The following PACSIN2 variants were observed in gnomAD, a reference collection of about 807,000 sequenced individuals.
The protein encoded by PACSIN2 is protein kinase C and casein kinase substrate in neurons 2, also known as protein kinase C and casein kinase substrate in neurons protein 2.
PACSIN2 carries 25 observed loss-of-function variants against 63.8 expected under a neutral mutation model. That is an observed-to-expected ratio of 0.39 (90% CI 0.29 to 0.55). The LOEUF (loss-of-function observed/expected upper bound fraction) is 0.55. Ranked by LOEUF, PACSIN2 falls within the 20% of genes least tolerant of loss-of-function variation. The pLI, the probability that PACSIN2 is intolerant of heterozygous loss-of-function variation, is 0.62. For missense variants in PACSIN2, 518 were observed against 646.9 expected (o/e 0.80, Z 2.16); for synonymous variants, 255 against 256.2 (o/e 1.00, Z 0.05).
At chr22:42,886,109 G>C (rs1929454751) in intron 5 of PACSIN2, among the ~76,000 whole-genome samples, 1 of 152,142 alleles carries the variant, frequency 6.6e-6, no homozygotes, top group South Asian at 2.1e-4. Context: ...GTGGCAACAA[G>C]ATGCTCCACC....
chr22:42,995,269 A>C (rs574395996), intron 1 of PACSIN2, among the ~76,000 whole-genome samples: 1 of 152,394 alleles, frequency 6.6e-6, no homozygotes, highest in East Asian at 1.9e-4. Context: ...TCTGACATGA[A>C]GTGTGGCAAG....
chr22:42,886,454 ATG>A (rs1929492598), intron 5 of PACSIN2, among the ~76,000 whole-genome samples: 1 of 66,454 alleles, frequency 1.5e-5, no homozygotes, highest in Non-Finnish European at 4.8e-5. Flanking sequence ...GTAGGTAGGT[ATG>A]TATGTACCTA....
chr22:42,987,449 AACACACACACACACACACAC>A lies in PACSIN2; in HGVS notation c.-78+27552_-78+27571del, dbSNP rs745523623. ...GACACCCCACCCTGAGTCCAGGAGC[AACACACACACACACACACAC>A]ACACACACACACACACACACACACC... On this transcript the variant is annotated intron_variant, in intron 1 of 10. Coordinates refer to ENST00000263246, the MANE Select transcript of PACSIN2 (RefSeq NM_001184970.3). Among the ~76,000 whole-genome samples the A allele has an allele frequency of 8.4e-4, 73 of 87,088 alleles. 1 individual carries two copies. Among genetic ancestry groups the A allele is most frequent in the African/African-American group, 3.4e-3 (69 of 20,366 alleles). 57.1% of individuals were successfully genotyped at this position (87,088 alleles called of 152,430 possible).
chr22:42,882,144 C>T lies in PACSIN2; in HGVS notation c.906+40G>A, dbSNP rs776701925. 5 of 1,611,496 alleles carry T rather than the reference C, an allele frequency of 3.1e-6. No homozygotes were observed. In the Admixed American group the frequency reaches 8.3e-5, roughly 27 times the overall value. Reference sequence around the variant, plus strand: ...TAGCAACTCTGTGGGCCCAGGTCCTCTTCCAGGCTGATGAGCTCATGGGCA... The same window carrying T: ...TAGCAACTCTGTGGGCCCAGGTCCTTTTCCAGGCTGATGAGCTCATGGGCA... On this transcript the variant is annotated intron_variant, in intron 7 of 10. Transcript: ENST00000263246.
At chr22:42,984,789 A>G (rs891132192) in intron 1 of PACSIN2, among the ~76,000 whole-genome samples, 4 of 152,224 alleles carry the variant, frequency 2.6e-5, no homozygotes, top group Non-Finnish European at 4.4e-5. Context: ...CATCCCCAAG[A>G]CTAAGAGCAC....
At chr22:42,904,021 T>C (rs1458524854) in intron 2 of PACSIN2, among the ~76,000 whole-genome samples, 5 of 152,140 alleles carry the variant, frequency 3.3e-5, no homozygotes, top group Non-Finnish European at 1.5e-5. Context: ...TTACGAATCT[T>C]TAACTGAAAT....
chr22:42,906,112 G>C (rs555339750), intron 2 of PACSIN2, among the ~76,000 whole-genome samples: 1 of 152,358 alleles, frequency 6.6e-6, no homozygotes, highest in African/African-American at 2.4e-5. Flanking sequence ...GTCACTTGTG[G>C]AACTGTCTTG....
chr22:42,895,348 G>A (rs1307259097), intron 2 of PACSIN2, among the ~76,000 whole-genome samples: 1 of 152,180 alleles, frequency 6.6e-6, no homozygotes, highest in Non-Finnish European at 1.5e-5. Flanking sequence ...TGAGCTGGTG[G>A]TAGGAGGAGC....
At chr22:42,984,420 CG>C (rs1392089505) in intron 1 of PACSIN2, among the ~76,000 whole-genome samples, 5 of 152,172 alleles carry the variant, frequency 3.3e-5, no homozygotes, top group Admixed American at 3.3e-4. Flanking sequence ...TCTAGGCCCT[CG>C]GCCTCCCTGA....
chr22:42,987,123 G>A lies in PACSIN2; in HGVS notation c.-78+27898C>T, dbSNP rs74977265. 4.3e-3 allele frequency among the ~76,000 whole-genome samples: 650 copies of A among 152,212 alleles called. 3 individuals are homozygous for A. Among genetic ancestry groups the A allele is most frequent in the African/African-American group, 0.015 (614 of 41,508 alleles). On this transcript the variant is annotated intron_variant, in intron 1 of 10. Coordinates refer to ENST00000263246, the MANE Select transcript of PACSIN2 (RefSeq NM_001184970.3). ...TGATGACTTGCTGGGGGGTGTGTCT[G>A]AATCTATACACAAAACACCAAGACT...
intron 1 of PACSIN2, among the ~76,000 whole-genome samples, chr22:43,003,866 G>C (rs1923924912): frequency 6.6e-6 from 1 of 152,106 alleles, no homozygotes; most frequent in Non-Finnish European, 1.5e-5. Flanking sequence ...GCATCATGGG[G>C]TGGGTGTACC....
At chr22:42,971,853 G>GA (rs1473752374) in intron 1 of PACSIN2, among the ~76,000 whole-genome samples, 3,798 of 149,662 alleles carry the variant, frequency 0.025, 176 homozygotes, top group African/African-American at 0.091. Context: ...GAGGTGGGGG[G>GA]CAGCCCCCGC....
intron 1 of PACSIN2, among the ~76,000 whole-genome samples, chr22:42,981,823 T>G (rs1297485380): frequency 2.2e-4 from 16 of 74,004 alleles, no homozygotes; most frequent in Admixed American, 4.0e-4. Flanking sequence ...GGGAGGGAGG[T>G]GGGGGGTCAG....
chr22:43,008,602 A>ACT (rs774862158), intron 1 of PACSIN2, among the ~76,000 whole-genome samples: 11 of 152,268 alleles, frequency 7.2e-5, no homozygotes, highest in Non-Finnish European at 1.3e-4. Context: ...CAGAATGTGT[A>ACT]CTCTTTCAAT....
chr22:42,880,159 C>T lies in PACSIN2; in HGVS notation c.907-990G>A, dbSNP rs184304999. On this transcript the variant is annotated intron_variant, in intron 7 of 10. Coordinates refer to ENST00000263246, the MANE Select transcript of PACSIN2 (RefSeq NM_001184970.3). The stretch of plus-strand genomic sequence containing the variant: ...GGCTGAGTCCACGGCTCTGCTCACA[C>T]GTACTTACAGAACTTTTGGGTTGGA... Among the ~76,000 whole-genome samples, 7 of 152,304 alleles carry T rather than the reference C, an allele frequency of 4.6e-5. No individual in the cohort carries two copies. In the East Asian group the frequency reaches 1.2e-3, roughly 25 times the overall value.
intron 1 of PACSIN2, among the ~76,000 whole-genome samples, chr22:42,981,837 C>CT (rs1922177305): frequency 8.2e-6 from 1 of 121,372 alleles, no homozygotes; most frequent in African/African-American, 3.1e-5. Flanking sequence ...GGGTCAGCCC[C>CT]CCGCCCGGCC....
chr22:42,949,025 GCTCACGCCTGTAATCCCAGCA>G (rs1933558551), intron 1 of PACSIN2, among the ~76,000 whole-genome samples: 1 of 152,184 alleles, frequency 6.6e-6, no homozygotes, highest in Admixed American at 6.5e-5. Context: ...AGGCATAGTG[GCTCACGCCTGTAATCCCAGCA>G]CTTTGGGAGG....
intron 1 of PACSIN2, among the ~76,000 whole-genome samples, chr22:42,982,027 C>T (rs1174851461): frequency 8.5e-5 from 9 of 105,362 alleles, no homozygotes; most frequent in African/African-American, 2.0e-4. Flanking sequence ...TCCGGCCGGC[C>T]GCCCCGTCCG....
chr22:42,895,375 T>C (rs900814567), intron 2 of PACSIN2, among the ~76,000 whole-genome samples: 3 of 152,186 alleles, frequency 2.0e-5, no homozygotes, highest in African/African-American at 7.2e-5. Context: ...AACACGGCCC[T>C]AACTTAGCCT....
Sources: allele counts gnomAD v4.1 joint callset (sites outside exome capture counted in the v4.1 genomes callset), GRCh38; gene constraint gnomAD v4.1.1; transcripts MANE v1.5; gene names NCBI Gene and HGNC (gene_info 2026-07-23, HGNC 2026-07-21).